PCDHA2: variants seen among roughly 807,000 people sequenced by gnomAD.
PCDHA2 encodes protocadherin alpha 2.
A neutral mutation model predicts 66.0 loss-of-function variants in PCDHA2; 58 were observed. The observed-to-expected ratio is 0.88, with a 90% CI of 0.71 to 1.09. The LOEUF (loss-of-function observed/expected upper bound fraction) is 1.09. PCDHA2 is among the 50% of genes least tolerant of loss of function. The probability of loss-of-function intolerance (pLI) is 0.00; values close to 1 mark genes in which losing one functional copy is unlikely to be tolerated. For synonymous variants in PCDHA2, 634 were observed against 554.0 expected (o/e 1.14, Z -2.03); for missense variants, 1,267 against 1,242.3 (o/e 1.02, Z -0.30).
At chr5:140,869,188 G>A (rs200563745) in intron 1 of PCDHA2, 5 of 1,613,828 alleles carry the variant, frequency 3.1e-6, no homozygotes, top group African/African-American at 2.7e-5. Context: ...GGTGGGGAGC[G>A]GCCAGCTCCA....
intron 1 of PCDHA2, chr5:140,862,748 C>A: frequency 3.5e-6 from 2 of 577,558 alleles, no homozygotes; most frequent in East Asian, 9.5e-5. Context: ...TGGGTGCACG[C>A]GGAGAGCGGC....
intron 3 of PCDHA2, among the ~76,000 whole-genome samples, chr5:140,992,758 G>T (rs1160312796): frequency 6.6e-6 from 1 of 152,182 alleles, no homozygotes; most frequent in Non-Finnish European, 1.5e-5. Flanking sequence ...CTGTGTTGGG[G>T]ATAGGAGGGT....
At chr5:140,878,461 T>G (rs1274651575) in intron 1 of PCDHA2, among the ~76,000 whole-genome samples, 1 of 152,230 alleles carries the variant, frequency 6.6e-6, no homozygotes, top group Non-Finnish European at 1.5e-5. Context: ...TGAAATATAA[T>G]AAAATCATTT....
At chr5:140,918,027 G>C (rs782291548) in intron 1 of PCDHA2, among the ~76,000 whole-genome samples, 2 of 152,108 alleles carry the variant, frequency 1.3e-5, no homozygotes, top group East Asian at 3.8e-4. Context: ...ACCCATGAGC[G>C]TGGAAGGTCT....
At position 140,795,092 on chromosome 5, in the gene PCDHA2, C is replaced by A; in HGVS notation, c.128C>A (p.Thr43Asn). ...YSVPEEAKHG[T>N]FVGRIAQDLG... Reference sequence around the variant, plus strand: ...GTCCCCGAGGAGGCCAAACACGGCACCTTCGTGGGCCGCATCGCGCAGGAC... The same window carrying A: ...GTCCCCGAGGAGGCCAAACACGGCAACTTCGTGGGCCGCATCGCGCAGGAC... Residue 43 changes from threonine (T) to asparagine (N), a missense_variant, in exon 1 of 4, where the codon ACC (threonine) becomes AAC (asparagine). Thr to Asn is a moderately conservative substitution (Grantham distance 65). Coordinates refer to ENST00000526136, the MANE Select transcript of PCDHA2 (RefSeq NM_018905.3). 1 of 1,613,984 alleles carries A rather than the reference C, an allele frequency of 6.2e-7. No homozygotes were observed. Among genetic ancestry groups the A allele is most frequent in the Non-Finnish European group, 8.5e-7 (1 of 1,180,044 alleles).
chr5:140,953,444 G>C (rs2094887278), intron 1 of PCDHA2, among the ~76,000 whole-genome samples: 1 of 152,088 alleles, frequency 6.6e-6, no homozygotes, highest in South Asian at 2.1e-4. Context: ...GGAGAAACTA[G>C]GGATTATCTG....
intron 1 of PCDHA2, among the ~76,000 whole-genome samples, chr5:140,957,571 G>A (rs2095367794): frequency 6.6e-6 from 1 of 152,068 alleles, no homozygotes; most frequent in African/African-American, 2.4e-5. Flanking sequence ...AGGGACTACT[G>A]TACTTTTAAC....
chr5:140,828,801 A>G lies in PCDHA2; in HGVS notation c.2388+31449A>G, dbSNP rs147769613. On this transcript the variant is annotated intron_variant, in intron 1 of 3. Transcript: ENST00000526136. ...CTGGTCACAGTGCTGGATGTGAATG[A>G]TAATGCTCCCACTTTCGAACAGTCT... 2.8e-4 allele frequency: 458 copies of G among 1,614,124 alleles called. No homozygotes were observed. Among genetic ancestry groups the G allele is most frequent in the Non-Finnish European group, 3.7e-4 (435 of 1,180,046 alleles).
chr5:140,879,844 C>CCCATCTCAG (rs1554171035), intron 1 of PCDHA2, among the ~76,000 whole-genome samples: 1 of 152,194 alleles, frequency 6.6e-6, no homozygotes, highest in Admixed American at 6.5e-5. Flanking sequence ...CTGTACCACT[C>CCCATCTCAG]CCATCTCAGC....
chr5:140,862,809 G>C (rs782185253), intron 1 of PCDHA2: 2 of 572,722 alleles, frequency 3.5e-6, no homozygotes, highest in South Asian at 1.4e-5. Context: ...AGCTGCTGCA[G>C]TTCTAGGTGA....
intron 1 of PCDHA2, among the ~76,000 whole-genome samples, chr5:140,833,457 A>AAGAAATTTAT (rs1374250716): frequency 2.0e-5 from 3 of 152,216 alleles, no homozygotes; most frequent in Non-Finnish European, 4.4e-5. Context: ...AATAAAATAA[A>AAGAAATTTAT]CTTACATTTT....
chr5:140,877,637 G>A (rs1554169943), intron 1 of PCDHA2: 1 of 1,613,520 alleles, frequency 6.2e-7, no homozygotes, highest in Non-Finnish European at 8.5e-7. Context: ...ACTGCGCTGC[G>A]TTGCTCAGCG....
chr5:140,843,603 G>C lies in PCDHA2; in HGVS notation c.2388+46251G>C, dbSNP rs2150363259. ...CAACAGCCGCAGAGGGTGTGCTCTG[G>C]TGAGGGGCCACCGAAGACGGACCTC... On this transcript the variant is annotated intron_variant, in intron 1 of 3. Coordinates refer to ENST00000526136, the MANE Select transcript of PCDHA2 (RefSeq NM_018905.3). 45 of 1,596,084 alleles carry C rather than the reference G, an allele frequency of 2.8e-5. 3 individuals carry two copies. The East Asian group carries it at 3.1e-4, about 11-fold the overall frequency.
intron 3 of PCDHA2, among the ~76,000 whole-genome samples, chr5:141,005,808 C>T (rs2153985730): frequency 6.6e-6 from 1 of 150,460 alleles, no homozygotes; most frequent in African/African-American, 2.5e-5. Context: ...CTCCAAGGAG[C>T]CAGGTATGGT....
At chr5:140,808,700 T>A in intron 1 of PCDHA2, 1 of 1,612,106 alleles carries the variant, frequency 6.2e-7, no homozygotes, top group Non-Finnish European at 8.5e-7. Flanking sequence ...GCGCGCGCTG[T>A]CGAGCTACGT....
rs782343836 is a variant in PCDHA2 at position 140,869,112 on chromosome 5, T to C, written c.2388+71760T>C. 17 of 1,604,108 alleles carry C rather than the reference T, an allele frequency of 1.1e-5. No individual in the cohort carries two copies. The South Asian group carries it at 1.5e-4, about 15-fold the overall frequency. On this transcript the variant is annotated intron_variant, in intron 1 of 3. Coordinates refer to ENST00000526136, the MANE Select transcript of PCDHA2 (RefSeq NM_018905.3). ...AGCCAATTTCGTATGCGATGTTTGG[T>C]TTTCAGAGAAGGGGATTGGGCACCC...
intron 1 of PCDHA2, among the ~76,000 whole-genome samples, chr5:140,886,827 G>GAAAAA (rs782016620): frequency 6.6e-5 from 4 of 60,918 alleles, no homozygotes; most frequent in African/African-American, 6.0e-5. Flanking sequence ...ACTTCGTCTT[G>GAAAAA]AAAAAAAAAA....
At chr5:140,826,765 G>A (rs186327192) in intron 1 of PCDHA2, among the ~76,000 whole-genome samples, 1 of 152,174 alleles carries the variant, frequency 6.6e-6, no homozygotes, top group African/African-American at 2.4e-5. Flanking sequence ...TCATATTGGA[G>A]AGTAATTGAA....
chr5:141,000,314 A>T (rs2097900305), intron 3 of PCDHA2, among the ~76,000 whole-genome samples: 1 of 145,492 alleles, frequency 6.9e-6, no homozygotes, highest in East Asian at 2.0e-4. Context: ...GTTCAAGACC[A>T]GCTTGGGCAA....
Sources: allele counts gnomAD v4.1 joint callset (sites outside exome capture counted in the v4.1 genomes callset), GRCh38; gene constraint gnomAD v4.1.1; transcripts MANE v1.5; gene names NCBI Gene and HGNC (gene_info 2026-07-23, HGNC 2026-07-21).